Variants in GPC4 observed in about 807,000 individuals in gnomAD.
GPC4 encodes the protein glypican 4.
A neutral mutation model predicts 35.0 loss-of-function variants in GPC4; 10 were observed. The observed-to-expected ratio is 0.29, with a 90% CI of 0.18 to 0.48. The LOEUF (loss-of-function observed/expected upper bound fraction) is 0.48, where lower values mean the gene tolerates loss of function less well. GPC4 is among the 20% of genes least tolerant of loss of function. The pLI, the probability that GPC4 is intolerant of heterozygous loss-of-function variation, is 0.99. For synonymous variants in GPC4, 167 were observed against 170.2 expected (o/e 0.98, Z 0.15); for missense variants, 322 against 451.3 (o/e 0.71, Z 2.60).
intron 1 of GPC4, among the ~76,000 whole-genome samples, chrX:133,405,104 C>CTTTT (rs746824918): frequency 3.0e-5 from 2 of 67,150 alleles, no homozygotes; most frequent in African/African-American, 1.4e-4. Flanking sequence ...CAATAGAACT[C>CTTTT]TTTTTTTTTT....
chrX:133,328,598 C>T (rs959506625), intron 2 of GPC4, among the ~76,000 whole-genome samples: 2 of 111,098 alleles, frequency 1.8e-5, no homozygotes, highest in Admixed American at 9.7e-5. Context: ...CTTCAGTAAT[C>T]GCTGCAATGT....
At position 133,339,420 on chromosome X, in the gene GPC4, T is replaced by C. The variant is rs72614202; in HGVS notation, c.161-79A>G. ...GAGGGAAAGGTTTGATTTAGGTTCA[T>C]TTCAACCTGTGAGGCTCCTGCAAAG... On this transcript the variant is annotated intron_variant, in intron 1 of 8. Coordinates refer to ENST00000370828, the MANE Select transcript of GPC4 (RefSeq NM_001448.3). 2.4e-3 allele frequency: 2,273 copies of C among 955,862 alleles called. 53 individuals are homozygous for C. In the East Asian group the frequency reaches 0.067, roughly 28 times the overall value. 78.8% of individuals were successfully genotyped at this position (955,862 alleles called of 1,213,427 possible).
intron 3 of GPC4, among the ~76,000 whole-genome samples, chrX:133,315,092 G>T: frequency 9.3e-6 from 1 of 107,527 alleles, no homozygotes; most frequent in Non-Finnish European, 1.9e-5. Flanking sequence ...AAGTGCTTGG[G>T]ACAAGAAGTG....
chrX:133,324,016 G>A, intron 3 of GPC4, 129 bp downstream of exon 3: 1 of 621,694 alleles, frequency 1.6e-6, no homozygotes, highest in Non-Finnish European at 2.4e-6. Context: ...GAAGAGGTAA[G>A]AGAGGAAGAA....
At chrX:133,378,403 T>G (rs1486500444) in intron 1 of GPC4, among the ~76,000 whole-genome samples, 2 of 107,488 alleles carry the variant, frequency 1.9e-5, no homozygotes, top group African/African-American at 6.8e-5. Flanking sequence ...CCATCTCTAC[T>G]AAAAAAATAC....
At chrX:133,360,043 G>A (rs1447126577) in intron 1 of GPC4, among the ~76,000 whole-genome samples, 1 of 110,680 alleles carries the variant, frequency 9.0e-6, no homozygotes, top group Non-Finnish European at 1.9e-5. Flanking sequence ...GCTGGGGGGG[G>A]AGAGAAAACC....
At chrX:133,311,148 A>T in intron 4 of GPC4, 110 bp downstream of exon 4, 1 of 769,781 alleles carries the variant, frequency 1.3e-6, no homozygotes, top group Non-Finnish European at 1.9e-6. Flanking sequence ...GACAAACACT[A>T]AATAGCAAAC....
intron 1 of GPC4, among the ~76,000 whole-genome samples, chrX:133,369,721 C>T (rs1174851283): frequency 1.8e-5 from 2 of 111,143 alleles, no homozygotes; most frequent in African/African-American, 6.5e-5. Flanking sequence ...TTTAATTATC[C>T]TAAGGGATTG....
Position 133,336,548 on chromosome X carries a change from A to G in GPC4, c.319+2635T>C, listed in dbSNP as rs1307712230. The stretch of plus-strand genomic sequence containing the variant: ...AGGCTCCATCTCAAAACAAACAAAC[A>G]AAAAATTAATCAATCAATGCAGCAC... On this transcript the variant is annotated intron_variant, in intron 2 of 8. Coordinates refer to ENST00000370828, the MANE Select transcript of GPC4 (RefSeq NM_001448.3). Among the ~76,000 whole-genome samples the G allele has an allele frequency of 3.6e-5, 4 of 110,945 alleles. No individual in the cohort carries two copies. The East Asian group carries it at 1.1e-3, about 32-fold the overall frequency.
intron 1 of GPC4, among the ~76,000 whole-genome samples, chrX:133,412,733 G>C (rs753292376): frequency 3.6e-5 from 4 of 111,530 alleles, no homozygotes; most frequent in Non-Finnish European, 5.6e-5. Context: ...GGTGATTTCT[G>C]GGGATGATGA....
intron 1 of GPC4, among the ~76,000 whole-genome samples, chrX:133,380,044 C>T (rs1481585418): frequency 9.0e-6 from 1 of 110,793 alleles, no homozygotes; most frequent in Non-Finnish European, 1.9e-5. Context: ...GAGTCTTATA[C>T]ATGTGATGTG....
chrX:133,305,747 C>A, intron 6 of GPC4, 25 bp downstream of exon 6: 1 of 1,207,050 alleles, frequency 8.3e-7, no homozygotes, highest in Non-Finnish European at 1.1e-6. Flanking sequence ...TCATTAAACA[C>A]GGCCCTTCCT....
intron 1 of GPC4, among the ~76,000 whole-genome samples, chrX:133,388,210 C>T (rs917649766): frequency 8.9e-6 from 1 of 112,230 alleles, no homozygotes; most frequent in South Asian, 3.8e-4. Context: ...AGACCCTTTA[C>T]GTACCTGTCA....
intron 7 of GPC4, 76 bp from the exon 8 acceptor site, chrX:133,303,417 G>A: frequency 1.2e-6 from 1 of 867,031 alleles, no homozygotes; most frequent in Non-Finnish European, 1.6e-6. Context: ...CAAAGTGCTG[G>A]GATTACAGGC....
chrX:133,388,446 T>A (rs1175100838), intron 1 of GPC4, among the ~76,000 whole-genome samples: 1 of 112,020 alleles, frequency 8.9e-6, no homozygotes, highest in African/African-American at 3.2e-5. Context: ...ATGTAAGGCA[T>A]GATAGGGGAT....
intron 2 of GPC4, among the ~76,000 whole-genome samples, chrX:133,328,457 A>G (rs777934678): frequency 7.3e-4 from 82 of 111,902 alleles, no homozygotes; most frequent in African/African-American, 2.2e-3. Flanking sequence ...TTAAACTAGC[A>G]GCTCGCATGT....
chrX:133,314,364 C>T (rs1394805126), intron 3 of GPC4, among the ~76,000 whole-genome samples: 1 of 111,741 alleles, frequency 8.9e-6, no homozygotes, highest in Non-Finnish European at 1.9e-5. Context: ...CCTTGTAGTA[C>T]CCTCCCCTAA....
At chrX:133,405,832 G>A (rs1396594000) in intron 1 of GPC4, among the ~76,000 whole-genome samples, 1 of 112,390 alleles carries the variant, frequency 8.9e-6, no homozygotes, top group Non-Finnish European at 1.9e-5. Context: ...ACACCTCTTG[G>A]AATCCCCTGC....
chrX:133,345,091 T>C (rs780902554), intron 1 of GPC4, among the ~76,000 whole-genome samples: 4 of 111,969 alleles, frequency 3.6e-5, no homozygotes, highest in African/African-American at 6.5e-5. Flanking sequence ...TTTAAAAGGT[T>C]CCAAATATTT....
Sources: gnomAD v4.1 joint callset for allele counts (sites outside exome capture counted in the v4.1 genomes callset) on GRCh38, gnomAD v4.1.1 for gene constraint, MANE v1.5 for transcripts, NCBI Gene and HGNC (gene_info 2026-07-23, HGNC 2026-07-21) for gene names.